The following DLGAP1 variants were observed in gnomAD, a reference collection of about 807,000 sequenced individuals.
The protein encoded by DLGAP1 is DLG associated protein 1.
In DLGAP1, 11 loss-of-function variants were observed where a neutral mutation model predicts 90.8. That is an observed-to-expected ratio of 0.12 (90% CI 0.08 to 0.20). The LOEUF is 0.20. DLGAP1 is among the 10% of genes least tolerant of loss of function. The probability of loss-of-function intolerance (pLI) is 1.00; values close to 1 mark genes in which losing one functional copy is unlikely to be tolerated. For synonymous variants in DLGAP1, 558 were observed against 540.7 expected (o/e 1.03, Z -0.44); for missense variants, 1,050 against 1,333.8 (o/e 0.79, Z 3.31).
chr18:3,580,810 A>G, intron 8 of DLGAP1: 1 of 1,559,976 alleles, frequency 6.4e-7, no homozygotes, highest in Non-Finnish European at 8.8e-7. Flanking sequence ...AGCGTCTTCC[A>G]CCTGCCGTGC....
intron 1 of DLGAP1, among the ~76,000 whole-genome samples, chr18:4,300,799 T>C (rs2080107039): frequency 6.6e-6 from 1 of 152,200 alleles, no homozygotes; most frequent in African/African-American, 2.4e-5. Context: ...GGATTTGTTA[T>C]ATACTCTTGC....
At chr18:3,998,439 C>T (rs7505600) in intron 3 of DLGAP1, among the ~76,000 whole-genome samples, 78,967 of 151,862 alleles carry the variant, frequency 0.52, 20,955 homozygotes, top group Admixed American at 0.58. Flanking sequence ...TCACCAAAGC[C>T]GTTTATGATA....
intron 1 of DLGAP1, among the ~76,000 whole-genome samples, chr18:4,205,427 G>T (rs903794957): frequency 2.0e-5 from 3 of 152,172 alleles, no homozygotes; most frequent in Non-Finnish European, 2.9e-5. Context: ...ATTGTAGATT[G>T]TATCCTTTGG....
At chr18:4,251,663 T>C (rs2078781390) in intron 1 of DLGAP1, among the ~76,000 whole-genome samples, 1 of 152,210 alleles carries the variant, frequency 6.6e-6, no homozygotes, top group African/African-American at 2.4e-5. Context: ...CAATTGTATG[T>C]AACAGCCACT....
chr18:4,102,699 T>C (rs185666057), intron 2 of DLGAP1, among the ~76,000 whole-genome samples: 1 of 152,314 alleles, frequency 6.6e-6, no homozygotes, highest in East Asian at 1.9e-4. Context: ...TTGGAGCTAA[T>C]ATGAATTAGG....
At chr18:4,080,974 C>T (rs1470273347) in intron 2 of DLGAP1, among the ~76,000 whole-genome samples, 1 of 151,724 alleles carries the variant, frequency 6.6e-6, no homozygotes, top group Admixed American at 6.6e-5. Flanking sequence ...CTGCAACCTC[C>T]GCCTCCCTGG....
intron 10 of DLGAP1, among the ~76,000 whole-genome samples, chr18:3,516,176 C>G (rs1371018303): frequency 6.6e-6 from 1 of 151,988 alleles, no homozygotes; most frequent in Non-Finnish European, 1.5e-5. Context: ...CATAAATGTT[C>G]TTAATGGCGT....
At chr18:3,648,500 C>T (rs566345557) in intron 7 of DLGAP1, among the ~76,000 whole-genome samples, 5 of 152,320 alleles carry the variant, frequency 3.3e-5, no homozygotes, top group African/African-American at 9.6e-5. Flanking sequence ...CAGTTGTCTA[C>T]ATTATGGTGT....
chr18:4,405,223 T>A (rs1051588541), intron 1 of DLGAP1, among the ~76,000 whole-genome samples: 1 of 152,028 alleles, frequency 6.6e-6, no homozygotes, highest in Non-Finnish European at 1.5e-5. Context: ...AAAGCAGGAG[T>A]ATTAATGCCA....
At chr18:3,678,623 T>A (rs1371257351) in intron 7 of DLGAP1, among the ~76,000 whole-genome samples, 1 of 152,124 alleles carries the variant, frequency 6.6e-6, no homozygotes, top group Non-Finnish European at 1.5e-5. Context: ...CAATTTCTTT[T>A]CCAAGAACGA....
intron 7 of DLGAP1, among the ~76,000 whole-genome samples, chr18:3,651,448 G>A (rs2059299734): frequency 6.6e-6 from 1 of 152,222 alleles, no homozygotes; most frequent in East Asian, 1.9e-4. Context: ...TTTATTAAAG[G>A]ATTTACCACA....
intron 1 of DLGAP1, among the ~76,000 whole-genome samples, chr18:4,363,104 T>C (rs986826055): frequency 6.6e-6 from 1 of 151,916 alleles, no homozygotes; most frequent in Admixed American, 6.6e-5. Context: ...TACAGGGAGA[T>C]CCAGTAAATG....
intron 7 of DLGAP1, chr18:3,607,883 A>AGG (rs978616284): frequency 1.3e-5 from 2 of 152,204 alleles, no homozygotes; most frequent in African/African-American, 4.8e-5. Context: ...AGAGATGAGA[A>AGG]GGGAGGTTGG....
intron 1 of DLGAP1, among the ~76,000 whole-genome samples, chr18:4,305,844 C>T (rs1228697346): frequency 6.6e-6 from 1 of 152,050 alleles, no homozygotes; most frequent in Non-Finnish European, 1.5e-5. Flanking sequence ...AGCAAATCTA[C>T]ACAAGGTGAG....
At chr18:4,375,868 T>C (rs1169695385) in intron 1 of DLGAP1, among the ~76,000 whole-genome samples, 1 of 151,344 alleles carries the variant, frequency 6.6e-6, no homozygotes, top group Non-Finnish European at 1.5e-5. Context: ...TTTAAGACTA[T>C]CCATACATCA....
chr18:3,635,996 T>C (rs1424955808), intron 7 of DLGAP1, among the ~76,000 whole-genome samples: 3 of 151,616 alleles, frequency 2.0e-5, no homozygotes, highest in Non-Finnish European at 4.4e-5. Context: ...TCCTAAAGAA[T>C]GAAATTCAAA....
intron 8 of DLGAP1, among the ~76,000 whole-genome samples, chr18:3,569,186 G>C (rs1368662583): frequency 6.6e-6 from 1 of 151,280 alleles, no homozygotes. Flanking sequence ...ATTTTTAGTA[G>C]AGATGGGATT....
At chr18:4,412,507 C>T (rs956776623) in intron 1 of DLGAP1, among the ~76,000 whole-genome samples, 1 of 152,202 alleles carries the variant, frequency 6.6e-6, no homozygotes, top group East Asian at 1.9e-4. Flanking sequence ...GGTGTTTACA[C>T]TGAAGGAGCT....
chr18:3,765,661 C>T (rs375049160), intron 5 of DLGAP1, among the ~76,000 whole-genome samples: 12 of 151,722 alleles, frequency 7.9e-5, no homozygotes, highest in Middle Eastern at 3.4e-3. Context: ...TGGTGAACCC[C>T]GTCTCTATTA....
Sources: allele counts gnomAD v4.1 joint callset (sites outside exome capture counted in the v4.1 genomes callset), GRCh38; gene constraint gnomAD v4.1.1; transcripts MANE v1.5; gene names NCBI Gene and HGNC (gene_info 2026-07-23, HGNC 2026-07-21).